The following CCDC141 variants were observed in gnomAD, a reference collection of about 807,000 sequenced individuals.
CCDC141 encodes the protein coiled-coil domain containing 141.
Under a neutral mutation model 181.0 loss-of-function variants are expected in CCDC141, and 168 were observed. The ratio of observed to expected loss-of-function variants is 0.93; its 90% confidence interval spans 0.82 to 1.05. CCDC141 has a LOEUF of 1.05. Ranked by LOEUF, CCDC141 falls within the 50% of genes least tolerant of loss-of-function variation. The pLI is 0.00. For synonymous variants in CCDC141, 666 were observed against 642.3 expected (o/e 1.04, Z -0.56); for missense variants, 1,902 against 1,788.5 (o/e 1.06, Z -1.14).
chr2:178,929,623 C>T (rs1689025926), intron 6 of CCDC141, among the ~76,000 whole-genome samples: 1 of 151,998 alleles, frequency 6.6e-6, no homozygotes, highest in Non-Finnish European at 1.5e-5. Flanking sequence ...TAAATACAAA[C>T]AACAACAAAA....
intron 6 of CCDC141, chr2:178,926,644 C>T (rs1341778446): frequency 6.6e-6 from 1 of 152,188 alleles, no homozygotes; most frequent in Non-Finnish European, 1.5e-5. Context: ...TCATTCACAT[C>T]ATTGTCTCAA....
At chr2:178,889,222 A>C (rs940087097) in intron 8 of CCDC141, among the ~76,000 whole-genome samples, 1 of 151,614 alleles carries the variant, frequency 6.6e-6, no homozygotes, top group African/African-American at 2.4e-5. Context: ...AAAAAAAAAG[A>C]AGCCATGCCT....
At chr2:179,041,491 G>T (rs1424545156) in intron 2 of CCDC141, among the ~76,000 whole-genome samples, 6 of 58,896 alleles carry the variant, frequency 1.0e-4, no homozygotes, top group East Asian at 1.2e-3. Context: ...TTGGTTGTGG[G>T]TTTTTTTTTT....
chr2:178,816,557 A>G, the CCDC141 span, among the ~76,000 whole-genome samples: 1 of 152,208 alleles, frequency 6.6e-6, no homozygotes, highest in Admixed American at 6.5e-5. Context: ...GTAAATGCCA[A>G]GGAAACTAAT....
At chr2:179,044,757 G>T (rs560412735) in intron 2 of CCDC141, among the ~76,000 whole-genome samples, 1 of 152,176 alleles carries the variant, frequency 6.6e-6, no homozygotes. Flanking sequence ...TCATGAGAAC[G>T]CAAACTTCTG....
At chr2:178,936,444 C>T (rs1200152289) in intron 6 of CCDC141, among the ~76,000 whole-genome samples, 1 of 152,036 alleles carries the variant, frequency 6.6e-6, no homozygotes. Context: ...TATTCTGTTT[C>T]ATTGGTCTAT....
chr2:178,897,150 AT>A (rs1252703506), intron 8 of CCDC141, among the ~76,000 whole-genome samples: 5 of 151,620 alleles, frequency 3.3e-5, no homozygotes, highest in Admixed American at 6.6e-5. Context: ...TCCCTTTTAT[AT>A]TTTTTCATAG....
rs75153675 is a variant in CCDC141 at position 178,837,699 on chromosome 2, C to T, written c.3520G>A (p.Glu1174Lys). 108 of 1,613,616 alleles carry T rather than the reference C, an allele frequency of 6.7e-5. No individual in the cohort carries two copies. The highest frequency in any genetic ancestry group is 8.8e-5 in the Non-Finnish European group (104 of 1,179,772). ...TTCAGGTCTTGTGGTAGTCGCTCTTCCCCTGTTCCATTGATGCCCAAAAGA... is the reference window on the plus strand; with the variant it reads ...TTCAGGTCTTGTGGTAGTCGCTCTTTCCCTGTTCCATTGATGCCCAAAAGA... ...ADLLGINGTG[E>K]ERLPQDLKVS... Residue 1174 changes from glutamate (E) to lysine (K), a missense_variant, in exon 23 of 24, where the codon GAA (glutamate) becomes AAA (lysine). By Grantham distance (56) the Glu-to-Lys change is moderately conservative (BLOSUM62 1). Transcript: ENST00000443758.
In CCDC141 at chr2:178,877,992, C is replaced by A. The variant is rs747600945; in HGVS notation, c.1871G>T (p.Gly624Val). ...ATTTATTAAATTAAGGAACTCAAGC[C>A]CTAGATCTTGTGTTATAAAACTCTT... ...LKKSFITQDL[G>V]LEFLNLINMA... The change falls in exon 12 of 24, where the codon GGG (glycine) becomes GTG (valine). Residue 624 changes from glycine to valine, a missense_variant. Gly to Val is a moderately radical substitution (Grantham distance 109). Transcript: ENST00000443758. 6.2e-7 allele frequency: 1 copy of A among 1,613,536 alleles called. No individual in the cohort carries two copies. The highest frequency in any genetic ancestry group is 1.3e-5 in the African/African-American group (1 of 74,834).
intron 5 of CCDC141, among the ~76,000 whole-genome samples, chr2:178,958,355 G>A (rs1286079811): frequency 6.6e-6 from 1 of 152,092 alleles, no homozygotes; most frequent in Non-Finnish European, 1.5e-5. Context: ...TTGTAAACAA[G>A]CTATTCTGAG....
At chr2:178,997,192 T>C (rs1170033417) in intron 2 of CCDC141, among the ~76,000 whole-genome samples, 1 of 152,178 alleles carries the variant, frequency 6.6e-6, no homozygotes, top group African/African-American at 2.4e-5. Context: ...TCAGCCTTGG[T>C]AAAGGTGTTA....
chr2:179,000,402 ATTCTAAAATAT>A (rs2041935642), intron 2 of CCDC141, among the ~76,000 whole-genome samples: 1 of 152,174 alleles, frequency 6.6e-6, no homozygotes, highest in Admixed American at 6.5e-5. Context: ...GAGTAATATG[ATTCTAAAATAT>A]TTACCTAAAA....
At chr2:178,954,224 T>A (rs1690068554) in intron 5 of CCDC141, among the ~76,000 whole-genome samples, 1 of 152,234 alleles carries the variant, frequency 6.6e-6, no homozygotes, top group African/African-American at 2.4e-5. Flanking sequence ...ATTACATTCA[T>A]AAATCTTCTT....
intron 5 of CCDC141, among the ~76,000 whole-genome samples, chr2:178,960,301 T>C (rs1406186430): frequency 6.6e-6 from 1 of 152,218 alleles, no homozygotes; most frequent in East Asian, 1.9e-4. Flanking sequence ...ACTGAAAGGT[T>C]GATCATCATG....
intron 17 of CCDC141, among the ~76,000 whole-genome samples, chr2:178,862,862 T>G (rs1008754894): frequency 6.6e-6 from 1 of 152,212 alleles, no homozygotes; most frequent in African/African-American, 2.4e-5. Context: ...TATTGAGTTC[T>G]TTTCTAAGGG....
intron 5 of CCDC141, among the ~76,000 whole-genome samples, chr2:178,952,781 C>G (rs551779843): frequency 6.6e-6 from 1 of 152,276 alleles, no homozygotes; most frequent in Admixed American, 6.5e-5. Flanking sequence ...GTTACTGACC[C>G]AACGGTTTGA....
intron 12 of CCDC141, chr2:178,873,702 T>C (rs987729222): frequency 1.3e-5 from 2 of 152,152 alleles, no homozygotes; most frequent in Admixed American, 6.5e-5. Context: ...CTCAAGAAGA[T>C]TGAATAATTT....
intron 11 of CCDC141, among the ~76,000 whole-genome samples, chr2:178,883,641 C>T (rs963494617): frequency 6.6e-6 from 1 of 152,132 alleles, no homozygotes; most frequent in South Asian, 2.1e-4. Flanking sequence ...ACATACTTAT[C>T]TTGGGTTGGC....
intron 7 of CCDC141, among the ~76,000 whole-genome samples, chr2:178,914,139 G>A (rs1688341110): frequency 6.6e-6 from 1 of 152,108 alleles, no homozygotes; most frequent in Non-Finnish European, 1.5e-5. Context: ...TGAATATTTT[G>A]GAGGATCGAG....
Sources: allele counts gnomAD v4.1 joint callset (sites outside exome capture counted in the v4.1 genomes callset), GRCh38; gene constraint gnomAD v4.1.1; transcripts MANE v1.5; gene names NCBI Gene and HGNC (gene_info 2026-07-23, HGNC 2026-07-21).